The following SEC23IP variants were observed in gnomAD, a reference collection of about 807,000 sequenced individuals.
SEC23IP encodes SEC23 interacting protein.
SEC23IP carries 70 observed loss-of-function variants against 113.4 expected under a neutral mutation model. That is an observed-to-expected ratio of 0.62 (90% CI 0.51 to 0.75). The LOEUF (loss-of-function observed/expected upper bound fraction) is 0.75, where lower values mean the gene tolerates loss of function less well. SEC23IP is among the 30% of genes least tolerant of loss of function. The pLI, the probability that SEC23IP is intolerant of heterozygous loss-of-function variation, is 0.00. For missense variants in SEC23IP, 1,160 were observed against 1,204.9 expected (o/e 0.96, Z 0.55); for synonymous variants, 398 against 421.0 (o/e 0.95, Z 0.67).
At position 119,904,137 on chromosome 10, in the gene SEC23IP, G is replaced by A. The variant is rs1246513281; in HGVS notation, c.961G>A (p.Val321Ile). Reference protein sequence around the residue: ...VLGTDGGRYDVYLYDRIRKAA... With the variant: ...VLGTDGGRYDIYLYDRIRKAA... ...TGGCACGGATGGAGGGCGCTACGAT[G>A]TTTACCTCTATGACCGAATAAGGAA... The change falls in exon 4 of 19, where the codon GTT (valine) becomes ATT (isoleucine). Residue 321 changes from valine to isoleucine, a missense_variant. Transcript: ENST00000369075. 1 of 1,614,248 alleles carries A rather than the reference G, an allele frequency of 6.2e-7. No homozygotes were observed. The highest frequency in any genetic ancestry group is 8.5e-7 in the Non-Finnish European group (1 of 1,180,046).
intron 18 of SEC23IP, among the ~76,000 whole-genome samples, chr10:119,937,595 C>G (rs1399574486): frequency 6.6e-6 from 1 of 151,556 alleles, no homozygotes; most frequent in Non-Finnish European, 1.5e-5. Context: ...CACTGCACTC[C>G]CACCTGGATG....
At chr10:119,922,471 A>G (rs917430857) in intron 12 of SEC23IP, among the ~76,000 whole-genome samples, 23 of 152,170 alleles carry the variant, frequency 1.5e-4, no homozygotes, top group African/African-American at 4.3e-4. Flanking sequence ...ACAAGTTATG[A>G]TTTAGCACCA....
At chr10:119,938,004 T>C (rs776300159) in intron 18 of SEC23IP, among the ~76,000 whole-genome samples, 5 of 152,024 alleles carry the variant, frequency 3.3e-5, no homozygotes, top group Non-Finnish European at 7.4e-5. Flanking sequence ...TTGTAATGCA[T>C]CTTAAAATCT....
At position 119,929,630 on chromosome 10, in the gene SEC23IP, A is replaced by C. The variant is rs763269661; in HGVS notation, c.2337A>C (p.Leu779Phe). 4 of 1,610,912 alleles carry C rather than the reference A, an allele frequency of 2.5e-6. No individual in the cohort carries two copies. The highest frequency in any genetic ancestry group is 2.5e-6 in the Non-Finnish European group (3 of 1,177,220). Residue 779 changes from leucine to phenylalanine, a missense_variant, in exon 14 of 19, where the codon TTA (leucine) becomes TTC (phenylalanine). By Grantham distance (22) the Leu-to-Phe change is conservative. Coordinates refer to ENST00000369075, the MANE Select transcript of SEC23IP (RefSeq NM_007190.4). Reference sequence around the variant, plus strand: ...AGGTTTCTGTTGCTTACAACTCATTAGATTTTGAACCAGAGATATTCTTTG... The same window carrying C: ...AGGTTTCTGTTGCTTACAACTCATTCGATTTTGAACCAGAGATATTCTTTG... ...AGQVSVAYNS[L>F]DFEPEIFFAL... is the part of the protein sequence containing the mutation.
Position 119,912,177 on chromosome 10 carries a change from T to C in SEC23IP, c.1312+13T>C. The C allele has an allele frequency of 6.2e-7, 1 of 1,613,526 alleles. No individual in the cohort carries two copies. The highest frequency in any genetic ancestry group is 2.2e-5 in the East Asian group (1 of 44,858). ...GAAATTCCCGACGGTGTGTATAGTT[T>C]GTTTAGAACTGAGGTCTGTTTTAGT... is the stretch of plus-strand genomic sequence containing the variant. On this transcript the variant is annotated intron_variant, in intron 6 of 18. Coordinates refer to ENST00000369075, the MANE Select transcript of SEC23IP (RefSeq NM_007190.4).
intron 2 of SEC23IP, 82 bp from the exon 3 acceptor site, chr10:119,902,717 T>C (rs1767244225): frequency 9.4e-7 from 1 of 1,064,738 alleles, no homozygotes; most frequent in South Asian, 1.4e-5. Flanking sequence ...TAGGATAATC[T>C]ACTAACATCA....
intron 18 of SEC23IP, among the ~76,000 whole-genome samples, chr10:119,935,454 C>G (rs557279628): frequency 3.3e-5 from 5 of 151,626 alleles, no homozygotes; most frequent in Non-Finnish European, 7.4e-5. Context: ...GAGTGAGACT[C>G]TATCTAAAAA....
chr10:119,903,423 A>G (rs1854561983), intron 3 of SEC23IP, among the ~76,000 whole-genome samples: 1 of 152,156 alleles, frequency 6.6e-6, no homozygotes. Context: ...CTTGAGAGAG[A>G]TGGTGTGCAG....
intron 2 of SEC23IP, among the ~76,000 whole-genome samples, chr10:119,902,481 T>G (rs1465186824): frequency 1.3e-5 from 2 of 152,222 alleles, no homozygotes; most frequent in Non-Finnish European, 2.9e-5. Context: ...AATTTTTTAA[T>G]TTTTAATTTT....
At chr10:119,900,449 A>C (rs895207505) in intron 2 of SEC23IP, among the ~76,000 whole-genome samples, 2 of 151,898 alleles carry the variant, frequency 1.3e-5, no homozygotes, top group African/African-American at 4.8e-5. Flanking sequence ...AGCTGGGACC[A>C]CAGGCACATG....
At chr10:119,906,296 AAAAAAG>A (rs1272752700) in intron 4 of SEC23IP, among the ~76,000 whole-genome samples, 2 of 151,700 alleles carry the variant, frequency 1.3e-5, no homozygotes, top group Non-Finnish European at 1.5e-5. Flanking sequence ...AAAAAAAAAA[AAAAAAG>A]AAACGGAGCT....
In SEC23IP at chr10:119,919,459, A is replaced by C. The variant is rs772842575; in HGVS notation, c.1888A>C (p.Lys630Gln). The C allele has an allele frequency of 4.4e-6, 7 of 1,597,576 alleles. No homozygotes were observed. The South Asian group carries it at 8.1e-5, about 18-fold the overall frequency. The stretch of plus-strand genomic sequence containing the variant: ...TTTTTTAAAGATGCCTGAAGAGCCA[A>C]AGCTGACTTTGGATGAGTCGTATGA... ...FQEKQMPEEP[K>Q]LTLDESYDLV... is the part of the protein sequence containing the mutation. Residue 630 changes from lysine (K) to glutamine (Q), a missense_variant, in exon 11 of 19, where the codon AAG (lysine) becomes CAG (glutamine). Transcript: ENST00000369075.
At chr10:119,902,068 TTA>T (rs1589823834) in intron 2 of SEC23IP, among the ~76,000 whole-genome samples, 1 of 152,018 alleles carries the variant, frequency 6.6e-6, no homozygotes, top group African/African-American at 2.4e-5. Flanking sequence ...ATTTTAAAGG[TTA>T]AATAGGCCGG....
chr10:119,892,883 A>G lies in SEC23IP; in HGVS notation c.101A>G (p.Asn34Ser), dbSNP rs143533688. The G allele has an allele frequency of 7.5e-5, 121 of 1,613,706 alleles. No homozygotes were observed. The highest frequency in any genetic ancestry group is 3.7e-4 in the African/African-American group (28 of 74,960). ...TCCTCGGCCACGGAGTTCAGCTTCAATGTGCCCTTCATCCCAGTCACCCAG... is the reference window on the plus strand; with the variant it reads ...TCCTCGGCCACGGAGTTCAGCTTCAGTGTGCCCTTCATCCCAGTCACCCAG... ...FSSSATEFSF[N>S]VPFIPVTQAS... The change falls in exon 1 of 19, where the codon AAT becomes AGT. Residue 34 changes from asparagine (N) to serine (S), a missense_variant. Asn to Ser is a conservative substitution (Grantham distance 46). Coordinates refer to ENST00000369075, the MANE Select transcript of SEC23IP (RefSeq NM_007190.4).
At chr10:119,929,515 T>C in intron 13 of SEC23IP, 92 bp from the exon 14 acceptor site, 1 of 1,078,448 alleles carries the variant, frequency 9.3e-7, no homozygotes, top group Non-Finnish European at 1.4e-6. Context: ...ATTACAGGCA[T>C]GAGCCACCAC....
In SEC23IP at chr10:119,915,889, G is replaced by A; in HGVS notation, c.1544G>A (p.Arg515Lys). 1 of 1,487,830 alleles carries A rather than the reference G, an allele frequency of 6.7e-7. No homozygotes were observed. The allele number at this position is 1,487,830 out of a possible 1,614,324, so 92.2% of individuals were successfully genotyped here. Residue 515 changes from arginine (R) to lysine (K), a missense_variant and splice_region_variant, in exon 8 of 19, where the codon AGG becomes AAG. By Grantham distance (26) the Arg-to-Lys change is conservative (BLOSUM62 2). Coordinates refer to ENST00000369075, the MANE Select transcript of SEC23IP (RefSeq NM_007190.4). ...GGTGGGGACGCCACAGGTGTGGACA[G>A]GTTTGTGGATTTTGATAACTTGTTT... ...SLGGDATGVD[R>K]NIKKITLPSI...
chr10:119,909,325 C>A (rs1020598597), intron 5 of SEC23IP, among the ~76,000 whole-genome samples, 195 bp downstream of exon 5: 1 of 152,026 alleles, frequency 6.6e-6, no homozygotes, highest in African/African-American at 2.4e-5. Flanking sequence ...ATCATAGAAA[C>A]AAAAACACAA....
intron 4 of SEC23IP, among the ~76,000 whole-genome samples, chr10:119,906,109 C>G (rs1436383452): frequency 6.6e-6 from 1 of 151,782 alleles, no homozygotes. Context: ...AACCCCGTCT[C>G]TACAAAAAAT....
rs770018913 is a variant in SEC23IP at position 119,932,123 on chromosome 10, A to G, written c.2573-10A>G. 1.3e-6 allele frequency: 2 copies of G among 1,580,376 alleles called. No individual in the cohort carries two copies. The highest frequency in any genetic ancestry group is 2.2e-5 in the East Asian group (1 of 44,684). On this transcript the variant is annotated splice_polypyrimidine_tract_variant and intron_variant, in intron 15 of 18. Transcript: ENST00000369075. ...CTAATTAACTTGTTGTGTCATCTTA[A>G]TCTCTTTAGAATTGAAAGAGAGTCT...
Sources: allele counts gnomAD v4.1 joint callset (sites outside exome capture counted in the v4.1 genomes callset), GRCh38; gene constraint gnomAD v4.1.1; transcripts MANE v1.5; gene names NCBI Gene and HGNC (gene_info 2026-07-23, HGNC 2026-07-21).